Variants in LARP4B observed in about 807,000 individuals in gnomAD.
The protein encoded by LARP4B is La ribonucleoprotein 4B, also known as la-related protein 4B.
A neutral mutation model predicts 89.8 loss-of-function variants in LARP4B; 12 were observed. That is an observed-to-expected ratio of 0.13 (90% CI 0.09 to 0.22). The LOEUF (loss-of-function observed/expected upper bound fraction) is 0.22, where lower values mean the gene tolerates loss of function less well. LARP4B is among the 10% of genes least tolerant of loss of function. The probability of loss-of-function intolerance (pLI) is 1.00; values close to 1 mark genes in which losing one functional copy is unlikely to be tolerated. For missense variants in LARP4B, 757 were observed against 947.7 expected, an observed-to-expected ratio of 0.80 and a Z score of 2.64; for synonymous variants, 367 against 363.3, an observed-to-expected ratio of 1.01 and a Z score of -0.12.
At chr10:967,643 C>T in the LARP4B span, among the ~76,000 whole-genome samples, 1 of 152,182 alleles carries the variant, frequency 6.6e-6, no homozygotes, top group African/African-American at 2.4e-5. Context: ...CGGAGAGAAT[C>T]GGAAGCCAGC....
rs978259286 is a variant in LARP4B, at chr10:820,923, TAATC to T, written c.1485-82_1485-79del. ...ATTATTGAGCACGTTTGCACTCACATAATCAAAGTACACATCAATTCAGTCTTTA... is the reference window on the plus strand; with the variant it reads ...ATTATTGAGCACGTTTGCACTCACATAAAGTACACATCAATTCAGTCTTTA... On this transcript the variant is annotated intron_variant, in intron 13 of 17. Coordinates refer to ENST00000316157, the MANE Select transcript of LARP4B (RefSeq NM_015155.3). 7.4e-6 allele frequency: 9 copies of T among 1,222,118 alleles called. No homozygotes were observed. In the African/African-American group the frequency reaches 7.5e-5, roughly 10 times the overall value. The allele number at this position is 1,222,118 out of a possible 1,614,324, so 75.7% of individuals were successfully genotyped here. A position where few individuals can be genotyped will look rare whatever the true frequency, so the allele number is the denominator to read the frequency against.
chr10:904,972 G>A (rs1159345747), intron 1 of LARP4B, among the ~76,000 whole-genome samples: 1 of 152,118 alleles, frequency 6.6e-6, no homozygotes, highest in Non-Finnish European at 1.5e-5. Context: ...CTCATTTCAC[G>A]CTAAATTTAT....
At chr10:872,211 T>C (rs1451153092) in intron 3 of LARP4B, among the ~76,000 whole-genome samples, 1 of 152,244 alleles carries the variant, frequency 6.6e-6, no homozygotes, top group Non-Finnish European at 1.5e-5. Flanking sequence ...TTATCAGTGT[T>C]TGCTTCACAA....
At chr10:848,846 G>A (rs531242887) in intron 5 of LARP4B, among the ~76,000 whole-genome samples, 12 of 152,262 alleles carry the variant, frequency 7.9e-5, no homozygotes, top group Non-Finnish European at 1.5e-4. Flanking sequence ...GGAGTAGAGA[G>A]CACCAGAAAC....
At chr10:962,090 C>T in the LARP4B span, among the ~76,000 whole-genome samples, 2 of 152,044 alleles carry the variant, frequency 1.3e-5, no homozygotes, top group South Asian at 2.1e-4. Context: ...GTCGGGAGTT[C>T]GAGACCAGCC....
At chr10:835,165 A>G (rs1316863535) in intron 8 of LARP4B, among the ~76,000 whole-genome samples, 1 of 152,226 alleles carries the variant, frequency 6.6e-6, no homozygotes, top group East Asian at 1.9e-4. Flanking sequence ...AGAACTAGTA[A>G]AGACAGGCTA....
chr10:915,068 C>CT (rs1836782846), intron 1 of LARP4B, among the ~76,000 whole-genome samples: 1 of 152,094 alleles, frequency 6.6e-6, no homozygotes, highest in Non-Finnish European at 1.5e-5. Context: ...CTGGTCTGCT[C>CT]TTTAAGAAAA....
At chr10:823,294 G>A (rs757318179) in intron 13 of LARP4B, among the ~76,000 whole-genome samples, 1 of 152,152 alleles carries the variant, frequency 6.6e-6, no homozygotes, top group Non-Finnish European at 1.5e-5. Flanking sequence ...CAGGTCTCAG[G>A]TGGGAGGACA....
intron 12 of LARP4B, 74 bp from the exon 13 acceptor site, chr10:825,390 G>C: frequency 7.0e-7 from 1 of 1,428,946 alleles, no homozygotes; most frequent in South Asian, 1.2e-5. Context: ...TACTGACATG[G>C]AATAGCTAAG....
intron 1 of LARP4B, among the ~76,000 whole-genome samples, chr10:893,439 C>T (rs1836096773): frequency 6.6e-6 from 1 of 152,098 alleles, no homozygotes; most frequent in Non-Finnish European, 1.5e-5. Context: ...AAGTAAACTC[C>T]ACGTGGTCAT....
chr10:932,649 C>G (rs1254163359), upstream of LARP4B, among the ~76,000 whole-genome samples: 1 of 135,708 alleles, frequency 7.4e-6, no homozygotes, highest in African/African-American at 2.8e-5. Flanking sequence ...CCCCAAACTC[C>G]CACCCCACAC....
intron 8 of LARP4B, among the ~76,000 whole-genome samples, chr10:835,840 GGAGAATTGCTT>G (rs1215257487): frequency 6.6e-6 from 1 of 152,014 alleles, no homozygotes; most frequent in Non-Finnish European, 1.5e-5. Flanking sequence ...GGCTGAGGCA[GGAGAATTGCTT>G]GAGCCTGGGA....
chr10:830,308 C>A (rs529376621), intron 9 of LARP4B, among the ~76,000 whole-genome samples: 1 of 152,290 alleles, frequency 6.6e-6, no homozygotes, highest in Admixed American at 6.5e-5. Context: ...CTTCCGTTCC[C>A]CTTTTCCCCC....
chr10:902,667 TAG>T (rs1358475508), intron 1 of LARP4B, among the ~76,000 whole-genome samples: 2 of 150,388 alleles, frequency 1.3e-5, no homozygotes, highest in Non-Finnish European at 3.0e-5. Context: ...AATTTTGAGA[TAG>T]AGTCTCACTC....
intron 8 of LARP4B, among the ~76,000 whole-genome samples, chr10:833,279 A>ACCT (rs1270086754): frequency 7.2e-6 from 1 of 139,484 alleles, no homozygotes; most frequent in South Asian, 2.2e-4. Flanking sequence ...AAAAAAAAAA[A>ACCT]AAAAACCTCA....
the LARP4B span, among the ~76,000 whole-genome samples, chr10:964,187 C>T: frequency 2.0e-5 from 3 of 152,286 alleles, no homozygotes; most frequent in East Asian, 5.8e-4. Flanking sequence ...CTGCCTCAGC[C>T]TCCCATGTAG....
At chr10:862,387 C>T (rs1196935810) in intron 5 of LARP4B, among the ~76,000 whole-genome samples, 1 of 151,780 alleles carries the variant, frequency 6.6e-6, no homozygotes, top group Non-Finnish European at 1.5e-5. Context: ...CTTACAGCAT[C>T]GAGGTCTGGC....
chr10:928,115 G>T (rs554371045), intron 1 of LARP4B, among the ~76,000 whole-genome samples: 1 of 151,834 alleles, frequency 6.6e-6, no homozygotes, highest in Admixed American at 6.6e-5. Flanking sequence ...CCAGCTACTC[G>T]GGAGGCTGAG....
chr10:869,933 AT>A (rs1835115319), intron 3 of LARP4B: 21 of 183,994 alleles, frequency 1.1e-4, no homozygotes, highest in Non-Finnish European at 2.0e-4. Context: ...AATAATAATA[AT>A]AATAATAATA....
Sources: gnomAD v4.1 joint callset for allele counts (sites outside exome capture counted in the v4.1 genomes callset) on GRCh38, gnomAD v4.1.1 for gene constraint, MANE v1.5 for transcripts, NCBI Gene and HGNC (gene_info 2026-07-23, HGNC 2026-07-21) for gene names.